Variants in SAMD12 observed in about 807,000 individuals in gnomAD.
SAMD12 encodes sterile alpha motif domain containing 12.
A neutral mutation model predicts 15.0 loss-of-function variants in SAMD12; 9 were observed. The observed-to-expected ratio is 0.60, with a 90% CI of 0.36 to 1.05. SAMD12 has a LOEUF of 1.05. Among genes scored for constraint, SAMD12 ranks in the 50% least tolerant of loss-of-function variants. The probability of loss-of-function intolerance (pLI) is 0.01; values close to 1 mark genes in which losing one functional copy is unlikely to be tolerated. For synonymous variants in SAMD12, 86 were observed against 90.1 expected (o/e 0.96, Z 0.25); for missense variants, 230 against 234.2 (o/e 0.98, Z 0.12).
chr8:118,190,582 T>TAAATCCCAGAATGGAGGC (rs1819340261), exon 5 of SAMD12: 1 of 152,288 alleles, frequency 6.6e-6, no homozygotes, highest in African/African-American at 2.4e-5. Flanking sequence ...GTTTCCTTTG[T>TAAATCCCAGAATGGAGGC]AAATCCCAGA....
At chr8:118,149,313 T>C in the SAMD12 span, among the ~76,000 whole-genome samples, 1 of 152,220 alleles carries the variant, frequency 6.6e-6, no homozygotes, top group Non-Finnish European at 1.5e-5. Flanking sequence ...TAAAATTATA[T>C]ATGTTTTTAT....
rs74849638 is a variant in SAMD12, at chr8:118,614,592, C to T, written c.13+7212G>A. Among the ~76,000 whole-genome samples, 63 of 152,346 alleles carry T rather than the reference C, an allele frequency of 4.1e-4. No homozygotes were observed. In the East Asian group the frequency reaches 0.011, roughly 27 times the overall value. ...CCACACCCCATAGCCAATCCACAAA[C>T]ATCTGTCAAATCACTTGAGAGTCAG... On this transcript the variant is annotated intron_variant, in intron 1 of 3. Coordinates refer to ENST00000314727, the MANE Select transcript of SAMD12 (RefSeq NM_207506.3).
At chr8:118,460,674 A>G (rs1823391679) in intron 2 of SAMD12, among the ~76,000 whole-genome samples, 1 of 152,134 alleles carries the variant, frequency 6.6e-6, no homozygotes, top group Non-Finnish European at 1.5e-5. Flanking sequence ...AGAGGGGAAC[A>G]TTACTGGAGG....
intron 4 of SAMD12, among the ~76,000 whole-genome samples, chr8:118,217,294 G>A (rs149518293): frequency 0.015 from 2,262 of 152,272 alleles, 32 homozygotes; most frequent in East Asian, 0.045. Context: ...GAGCCACTGC[G>A]CCCGGGCCTG....
At chr8:118,609,703 C>T (rs1475095954) in intron 1 of SAMD12, among the ~76,000 whole-genome samples, 4 of 152,208 alleles carry the variant, frequency 2.6e-5, no homozygotes, top group Non-Finnish European at 5.9e-5. Flanking sequence ...ATTACTTCAG[C>T]TTCCCCCTTG....
intron 2 of SAMD12, among the ~76,000 whole-genome samples, chr8:118,512,202 G>T (rs1825109089): frequency 2.0e-5 from 3 of 152,174 alleles, no homozygotes; most frequent in Admixed American, 2.0e-4. Flanking sequence ...GACTTTGGCG[G>T]AACTTCCAGG....
intron 4 of SAMD12, among the ~76,000 whole-genome samples, chr8:118,255,424 T>G (rs1377150808): frequency 1.3e-5 from 2 of 152,032 alleles, no homozygotes; most frequent in East Asian, 3.9e-4. Context: ...TACATATGTA[T>G]ACATGTGCCA....
intron 2 of SAMD12, among the ~76,000 whole-genome samples, chr8:118,576,129 G>A (rs56305251): frequency 0.021 from 3,230 of 152,124 alleles, 113 homozygotes; most frequent in African/African-American, 0.073. Context: ...GATTACAGCA[G>A]CACTGTCTAA....
intron 2 of SAMD12, among the ~76,000 whole-genome samples, chr8:118,539,822 T>C (rs554375343): frequency 6.6e-6 from 1 of 152,182 alleles, no homozygotes; most frequent in East Asian, 1.9e-4. Flanking sequence ...GAGAAGCCAG[T>C]AGCAGGGATG....
rs374305828 is a variant in SAMD12 at position 118,486,743 on chromosome 8, C to T, written c.193-46782G>A. On this transcript the variant is annotated intron_variant, in intron 2 of 3. Coordinates refer to ENST00000314727, the MANE Select transcript of SAMD12 (RefSeq NM_207506.3). ...ATAACGTAAAAAAATATACCGTAGGCAGTATTGACTAAGGTACAGGAAGAT... is the reference window on the plus strand; with the variant it reads ...ATAACGTAAAAAAATATACCGTAGGTAGTATTGACTAAGGTACAGGAAGAT... Among the ~76,000 whole-genome samples the T allele has an allele frequency of 2.6e-5, 4 of 152,206 alleles. No homozygotes were observed. The East Asian group carries it at 5.8e-4, about 22-fold the overall frequency.
the SAMD12 span, among the ~76,000 whole-genome samples, chr8:118,142,372 C>T: frequency 6.6e-6 from 1 of 152,210 alleles, no homozygotes; most frequent in Non-Finnish European, 1.5e-5. Context: ...GAAGTTCCCT[C>T]TTGCCTTCTA....
At chr8:118,498,274 T>C (rs2131032836) in intron 2 of SAMD12, among the ~76,000 whole-genome samples, 1 of 152,322 alleles carries the variant, frequency 6.6e-6, no homozygotes, top group East Asian at 1.9e-4. Context: ...TACAACGAGA[T>C]GCTGTTCCCT....
intron 4 of SAMD12, among the ~76,000 whole-genome samples, chr8:118,301,136 G>A (rs1417512909): frequency 6.6e-6 from 1 of 152,062 alleles, no homozygotes; most frequent in Non-Finnish European, 1.5e-5. Context: ...ATAAAACCCT[G>A]GGACAAAAAC....
chr8:118,466,677 C>T lies in SAMD12; in HGVS notation c.193-26716G>A, dbSNP rs528208190. Among the ~76,000 whole-genome samples, 27 of 152,226 alleles carry T rather than the reference C, an allele frequency of 1.8e-4. No homozygotes were observed. The South Asian group carries it at 5.6e-3, about 32-fold the overall frequency. On this transcript the variant is annotated intron_variant, in intron 2 of 3. Coordinates refer to ENST00000314727, the MANE Select transcript of SAMD12 (RefSeq NM_207506.3). ...TCTATTTAAGCAGGTCTGTAACCGA[C>T]CATCCTTTACAAATTACTTAAAGAT...
chr8:118,543,615 T>TTTTC (rs1194978406), intron 2 of SAMD12, among the ~76,000 whole-genome samples: 110 of 144,188 alleles, frequency 7.6e-4, no homozygotes, highest in African/African-American at 2.1e-3. Context: ...TTTTTTTTTC[T>TTTTC]TTTCTTTCTT....
the SAMD12 span, among the ~76,000 whole-genome samples, chr8:118,174,790 A>T: frequency 2.0e-4 from 30 of 152,306 alleles, no homozygotes; most frequent in African/African-American, 7.2e-4. Context: ...CATCACCCAA[A>T]TCCATCAGTA....
At chr8:118,511,334 CTG>C (rs1244740933) in intron 2 of SAMD12, among the ~76,000 whole-genome samples, 1 of 152,154 alleles carries the variant, frequency 6.6e-6, no homozygotes, top group Non-Finnish European at 1.5e-5. Context: ...CCATTAAAAA[CTG>C]TAGGTGATTT....
intron 3 of SAMD12, among the ~76,000 whole-genome samples, chr8:118,402,341 G>A (rs1820909234): frequency 6.6e-6 from 1 of 152,192 alleles, no homozygotes; most frequent in African/African-American, 2.4e-5. Context: ...TTAAGGAGCA[G>A]AGCCCTTAAT....
chr8:118,203,726 C>T (rs1397851175), intron 4 of SAMD12, among the ~76,000 whole-genome samples: 1 of 148,696 alleles, frequency 6.7e-6, no homozygotes, highest in East Asian at 2.0e-4. Context: ...TGCTATCCCT[C>T]TCCCCTCCCC....
Sources: allele counts gnomAD v4.1 joint callset (sites outside exome capture counted in the v4.1 genomes callset), GRCh38; gene constraint gnomAD v4.1.1; transcripts MANE v1.5; gene names NCBI Gene and HGNC (gene_info 2026-07-23, HGNC 2026-07-21).